Variants in NCEH1 observed in about 807,000 individuals in gnomAD.
The protein encoded by NCEH1 is neutral cholesterol ester hydrolase 1.
In NCEH1, 9 loss-of-function variants were observed where a neutral mutation model predicts 25.4. The observed-to-expected ratio is 0.35, with a 90% CI of 0.21 to 0.62. The LOEUF (loss-of-function observed/expected upper bound fraction) is 0.62. Among genes scored for constraint, NCEH1 ranks in the 20% least tolerant of loss-of-function variants. The pLI, the probability that NCEH1 is intolerant of heterozygous loss-of-function variation, is 0.72. For missense variants in NCEH1, 412 were observed against 501.1 expected (o/e 0.82, Z 1.70); for synonymous variants, 200 against 199.8 (o/e 1.00, Z -0.01).
chr3:172,707,015 A>T (rs1714042943), intron 1 of NCEH1, among the ~76,000 whole-genome samples: 1 of 152,116 alleles, frequency 6.6e-6, no homozygotes, highest in Non-Finnish European at 1.5e-5. Flanking sequence ...CTTACCATAA[A>T]TTCCATCTAG....
intron 3 of NCEH1, among the ~76,000 whole-genome samples, chr3:172,636,581 T>A (rs994085347): frequency 2.0e-5 from 3 of 152,078 alleles, no homozygotes; most frequent in Non-Finnish European, 4.4e-5. Context: ...ACTGGAGAGG[T>A]CCATATTAGC....
intron 1 of NCEH1, among the ~76,000 whole-genome samples, chr3:172,654,540 A>C (rs1001326408): frequency 3.3e-5 from 5 of 152,236 alleles, no homozygotes; most frequent in Admixed American, 1.3e-4. Context: ...TGGATTATCA[A>C]GTCCTGAAAT....
At chr3:172,637,831 G>A (rs1418805858) in intron 3 of NCEH1, among the ~76,000 whole-genome samples, 1 of 152,156 alleles carries the variant, frequency 6.6e-6, no homozygotes, top group Non-Finnish European at 1.5e-5. Flanking sequence ...GGAGGTTGCA[G>A]TGAGCCGAGA....
intron 3 of NCEH1, among the ~76,000 whole-genome samples, chr3:172,643,405 A>ACCCCCCC (rs1290616311): frequency 6.6e-6 from 1 of 151,950 alleles, no homozygotes; most frequent in African/African-American, 2.4e-5. Flanking sequence ...AGGGTTCTCA[A>ACCCCCCC]CCCCATTTTG....
At chr3:172,675,179 T>TA (rs993767534) in intron 1 of NCEH1, among the ~76,000 whole-genome samples, 5 of 152,050 alleles carry the variant, frequency 3.3e-5, no homozygotes, top group African/African-American at 7.2e-5. Flanking sequence ...GTGGTGCCTG[T>TA]AATCCCAGCT....
chr3:172,638,057 T>C (rs543558517), intron 3 of NCEH1, among the ~76,000 whole-genome samples: 2 of 152,248 alleles, frequency 1.3e-5, no homozygotes, highest in African/African-American at 4.8e-5. Flanking sequence ...AAAATCCTGC[T>C]AGGTAATTAA....
intron 1 of NCEH1, among the ~76,000 whole-genome samples, chr3:172,702,186 A>G (rs973721432): frequency 5.3e-5 from 8 of 151,652 alleles, no homozygotes; most frequent in Non-Finnish European, 1.2e-4. Context: ...TTTTCTTTGC[A>G]TTTCGGTCTC....
chr3:172,703,526 T>G (rs1308579029), intron 1 of NCEH1, among the ~76,000 whole-genome samples: 1 of 36,278 alleles, frequency 2.8e-5, no homozygotes, highest in African/African-American at 2.3e-4. Flanking sequence ...AGACTCTGTC[T>G]CAAAAAAAAA....
chr3:172,667,982 T>G (rs1718302777), intron 1 of NCEH1, among the ~76,000 whole-genome samples: 1 of 152,170 alleles, frequency 6.6e-6, no homozygotes, highest in East Asian at 1.9e-4. Context: ...TGGGCCCCCT[T>G]CAAGTTCCCG....
At chr3:172,706,640 A>G (rs1714011613) in intron 1 of NCEH1, among the ~76,000 whole-genome samples, 1 of 151,634 alleles carries the variant, frequency 6.6e-6, no homozygotes, top group Non-Finnish European at 1.5e-5. Flanking sequence ...CTGGAATTAC[A>G]GGCGCGCACC....
chr3:172,649,522 T>C (rs1378615055), intron 1 of NCEH1, among the ~76,000 whole-genome samples: 1 of 152,248 alleles, frequency 6.6e-6, no homozygotes, highest in African/African-American at 2.4e-5. Flanking sequence ...TCTTTGATAC[T>C]AATTTATGCA....
chr3:172,648,670 C>T lies in NCEH1; in HGVS notation c.139-556G>A, dbSNP rs762444910. ...ATGTGTCTTGTCCTTTTGAAAGGAG[C>T]GTGTGAGAAAAAAGAAACATTGTCA... is the stretch of plus-strand genomic sequence containing the variant. On this transcript the variant is annotated intron_variant, in intron 1 of 4. Coordinates refer to ENST00000475381, the MANE Select transcript of NCEH1 (RefSeq NM_020792.6). Among the ~76,000 whole-genome samples the T allele has an allele frequency of 7.9e-5, 12 of 151,698 alleles. 1 individual carries two copies. The highest frequency in any genetic ancestry group is 6.2e-4 in the South Asian group (3 of 4,804).
chr3:172,641,968 T>C (rs998413868), intron 3 of NCEH1, among the ~76,000 whole-genome samples: 1 of 152,194 alleles, frequency 6.6e-6, no homozygotes, highest in Non-Finnish European at 1.5e-5. Flanking sequence ...ATCACACTTT[T>C]AACATTACTT....
intron 3 of NCEH1, among the ~76,000 whole-genome samples, chr3:172,636,796 C>T (rs1259714537): frequency 1.6e-4 from 25 of 152,170 alleles, no homozygotes; most frequent in Admixed American, 1.6e-3. Context: ...GAATTCATAT[C>T]CCCTTAAGAT....
intron 1 of NCEH1, among the ~76,000 whole-genome samples, chr3:172,657,381 A>T (rs919670034): frequency 2.0e-4 from 30 of 152,150 alleles, no homozygotes; most frequent in African/African-American, 7.2e-4. Flanking sequence ...CAAATTCTCA[A>T]TTATCTAACC....
intron 3 of NCEH1, among the ~76,000 whole-genome samples, chr3:172,640,978 T>C (rs1166361561): frequency 6.6e-6 from 1 of 152,106 alleles, no homozygotes; most frequent in East Asian, 1.9e-4. Flanking sequence ...AGAAGCTTCC[T>C]TTTCATTAAA....
chr3:172,675,017 A>G (rs1418319487), intron 1 of NCEH1, among the ~76,000 whole-genome samples: 3 of 152,230 alleles, frequency 2.0e-5, no homozygotes, highest in Non-Finnish European at 4.4e-5. Flanking sequence ...TTATATAAGA[A>G]AGGATTTTGT....
At chr3:172,668,906 T>A (rs1298745868) in intron 1 of NCEH1, among the ~76,000 whole-genome samples, 1 of 152,130 alleles carries the variant, frequency 6.6e-6, no homozygotes, top group African/African-American at 2.4e-5. Context: ...GATGGAGCTT[T>A]ACAAAAACTG....
intron 3 of NCEH1, 101 bp downstream of exon 3, chr3:172,645,522 C>T (rs1717077293): frequency 2.9e-6 from 2 of 681,988 alleles, no homozygotes; most frequent in Non-Finnish European, 5.0e-6. Flanking sequence ...CAACTTGAGA[C>T]CTTTATTTTT....
Sources: allele counts gnomAD v4.1 joint callset (sites outside exome capture counted in the v4.1 genomes callset), GRCh38; gene constraint gnomAD v4.1.1; transcripts MANE v1.5; gene names NCBI Gene and HGNC (gene_info 2026-07-23, HGNC 2026-07-21).